Variants in IL34 observed in about 807,000 individuals in gnomAD.
IL34 encodes interleukin-34.
In IL34, 17 loss-of-function variants were observed where a neutral mutation model predicts 25.3. The ratio of observed to expected loss-of-function variants is 0.67; its 90% CI spans 0.46 to 1.01. IL34 has a LOEUF of 1.01. IL34 is among the 50% of genes least tolerant of loss of function. IL34 has a pLI of 0.00. For synonymous variants in IL34, 174 were observed against 140.9 expected (o/e 1.23, Z -1.66); for missense variants, 368 against 312.9 (o/e 1.18, Z -1.33).
At chr16:70,603,864 G>C (rs2050957806) in intron 1 of IL34, among the ~76,000 whole-genome samples, 1 of 152,178 alleles carries the variant, frequency 6.6e-6, no homozygotes, top group South Asian at 2.1e-4. Context: ...TTGCAGGTGT[G>C]CACCACTGCA....
intron 1 of IL34, 32 bp downstream of exon 1, chr16:70,647,007 T>G (rs371492920): frequency 1.4e-6 from 2 of 1,437,094 alleles, no homozygotes; most frequent in African/African-American, 1.5e-5. Context: ...GGGACCTGCA[T>G]TGGGAGGCCT....
chr16:70,589,825 G>A (rs2050732676), intron 1 of IL34, among the ~76,000 whole-genome samples: 1 of 152,124 alleles, frequency 6.6e-6, no homozygotes, highest in Non-Finnish European at 1.5e-5. Context: ...GTTTCACCAT[G>A]TTGGCCAGGC....
At chr16:70,634,692 A>AC (rs1251293263) in intron 1 of IL34, among the ~76,000 whole-genome samples, 1 of 152,008 alleles carries the variant, frequency 6.6e-6, no homozygotes, top group African/African-American at 2.4e-5. Flanking sequence ...AAAAAAAAAA[A>AC]AAAATTTCCA....
At chr16:70,653,798 T>C (rs1471223723) in intron 1 of IL34, among the ~76,000 whole-genome samples, 3 of 152,236 alleles carry the variant, frequency 2.0e-5, no homozygotes, top group Admixed American at 6.5e-5. Context: ...CTTTCTGCTC[T>C]GATGGACTTA....
intron 1 of IL34, among the ~76,000 whole-genome samples, chr16:70,615,369 T>A (rs1395311623): frequency 6.6e-6 from 1 of 152,036 alleles, no homozygotes; most frequent in Admixed American, 6.6e-5. Context: ...TAGCTGGGCG[T>A]GGTGGTGCTC....
intron 1 of IL34, among the ~76,000 whole-genome samples, chr16:70,621,266 A>G (rs2051275912): frequency 6.6e-6 from 1 of 152,158 alleles, no homozygotes; most frequent in South Asian, 2.1e-4. Flanking sequence ...GCAATGATTA[A>G]ACACCAAGGG....
At chr16:70,611,483 G>A (rs1413066932) in intron 1 of IL34, among the ~76,000 whole-genome samples, 2 of 152,064 alleles carry the variant, frequency 1.3e-5, no homozygotes, top group Non-Finnish European at 1.5e-5. Context: ...ACAACACTGT[G>A]GTGCTATTTA....
At chr16:70,610,932 C>A (rs867918687) in intron 1 of IL34, among the ~76,000 whole-genome samples, 1 of 151,842 alleles carries the variant, frequency 6.6e-6, no homozygotes, top group Non-Finnish European at 1.5e-5. Flanking sequence ...TTCTTTCCCC[C>A]CCTTCCATCC....
intron 1 of IL34, among the ~76,000 whole-genome samples, chr16:70,652,658 G>A (rs1567465688): frequency 6.6e-6 from 1 of 152,116 alleles, no homozygotes; most frequent in Non-Finnish European, 1.5e-5. Context: ...GATTTTCACT[G>A]TTATAAAATA....
At chr16:70,590,675 G>A (rs1205947355) in intron 1 of IL34, among the ~76,000 whole-genome samples, 2 of 152,186 alleles carry the variant, frequency 1.3e-5, no homozygotes, top group Non-Finnish European at 2.9e-5. Context: ...GCCCTGTGCG[G>A]TAGGGGCTGT....
intron 1 of IL34, among the ~76,000 whole-genome samples, chr16:70,628,489 A>T (rs528531258): frequency 3.7e-4 from 55 of 149,680 alleles, no homozygotes; most frequent in South Asian, 1.3e-3. Flanking sequence ...TTATTTATTT[A>T]TTTATTTTTT....
At chr16:70,635,434 C>T (rs1239094730) in intron 1 of IL34, among the ~76,000 whole-genome samples, 2 of 152,192 alleles carry the variant, frequency 1.3e-5, no homozygotes, top group Non-Finnish European at 2.9e-5. Context: ...CTGTTGGAGG[C>T]CCTTTGTCTA....
At chr16:70,637,959 T>A (rs928451058) in intron 1 of IL34, among the ~76,000 whole-genome samples, 1 of 152,196 alleles carries the variant, frequency 6.6e-6, no homozygotes, top group African/African-American at 2.4e-5. Context: ...TTTTTTTGTT[T>A]TGTTTTGTTT....
upstream of IL34, among the ~76,000 whole-genome samples, chr16:70,644,581 T>C (rs180783895): frequency 6.6e-6 from 1 of 152,106 alleles, no homozygotes; most frequent in East Asian, 1.9e-4. Flanking sequence ...AAATGTAGTA[T>C]ATGTAAATTA....
At chr16:70,642,599 T>C (rs1001390163), upstream of IL34, among the ~76,000 whole-genome samples, 2 of 152,072 alleles carry the variant, frequency 1.3e-5, no homozygotes, top group Non-Finnish European at 2.9e-5. Flanking sequence ...CCCGGCCTGA[T>C]TTCTTTTCTT....
At chr16:70,582,202 G>C (rs1418035776) in intron 1 of IL34, among the ~76,000 whole-genome samples, 1 of 152,266 alleles carries the variant, frequency 6.6e-6, no homozygotes, top group Non-Finnish European at 1.5e-5. Context: ...TCTGTCCCAA[G>C]GATGGCAGGT....
At chr16:70,628,561 A>C (rs939514473) in intron 1 of IL34, among the ~76,000 whole-genome samples, 5 of 150,862 alleles carry the variant, frequency 3.3e-5, no homozygotes, top group African/African-American at 7.3e-5. Flanking sequence ...ATCTTGGCTC[A>C]CTGCAATCTC....
chr16:70,626,702 A>G (rs534905021), intron 1 of IL34, among the ~76,000 whole-genome samples: 3 of 152,208 alleles, frequency 2.0e-5, no homozygotes, highest in South Asian at 4.1e-4. Flanking sequence ...GGCCAAAAAC[A>G]TGATGTCTCC....
chr16:70,633,373 C>A (rs748579174), intron 1 of IL34, among the ~76,000 whole-genome samples: 4 of 151,950 alleles, frequency 2.6e-5, no homozygotes, highest in Non-Finnish European at 5.9e-5. Flanking sequence ...CCTGCCTCAG[C>A]CTCCTGAGTA....
Sources: gnomAD v4.1 joint callset for allele counts (sites outside exome capture counted in the v4.1 genomes callset) on GRCh38, gnomAD v4.1.1 for gene constraint, MANE v1.5 for transcripts, NCBI Gene and HGNC (gene_info 2026-07-23, HGNC 2026-07-21) for gene names.